AFAP1: variants seen among roughly 807,000 people sequenced by gnomAD.
The protein encoded by AFAP1 is actin filament-associated protein 1.
In AFAP1, 75 loss-of-function variants were observed where a neutral mutation model predicts 93.9. The observed-to-expected ratio is 0.80, with a 90% confidence interval of 0.66 to 0.97. The LOEUF is 0.97. Among genes scored for constraint, AFAP1 ranks in the 50% least tolerant of loss-of-function variants. The probability of loss-of-function intolerance (pLI) is 0.00; values close to 1 mark genes in which losing one functional copy is unlikely to be tolerated. For synonymous variants in AFAP1, 517 were observed against 430.7 expected (o/e 1.20, Z -2.48); for missense variants, 1,201 against 1,050.8 (o/e 1.14, Z -1.98).
intron 4 of AFAP1, among the ~76,000 whole-genome samples, chr4:7,854,153 AC>A: frequency 1.3e-5 from 2 of 152,332 alleles, no homozygotes; most frequent in South Asian, 4.1e-4. Flanking sequence ...AAATAAAGGA[AC>A]CCAATGACGT....
At chr4:7,815,972 T>G (rs199661461) in intron 8 of AFAP1, 46 bp downstream of exon 8, 1 of 592,826 alleles carries the variant, frequency 1.7e-6, no homozygotes, top group South Asian at 2.5e-5. Flanking sequence ...TTTGTTTTTG[T>G]TTTTTTTTTT....
chr4:7,780,211 C>T (rs1200039476), intron 13 of AFAP1, among the ~76,000 whole-genome samples: 2 of 152,232 alleles, frequency 1.3e-5, no homozygotes, highest in African/African-American at 4.8e-5. Context: ...TCCCCAACTA[C>T]ACTTAGCTCA....
chr4:7,896,449 A>G (rs1264008775), intron 1 of AFAP1, among the ~76,000 whole-genome samples: 2 of 151,856 alleles, frequency 1.3e-5, no homozygotes, highest in Non-Finnish European at 2.9e-5. Flanking sequence ...CTCCCTCCCC[A>G]ACCCCATGGT....
At position 7,888,079 on chromosome 4, in the gene AFAP1, G is replaced by A. The variant is rs112559457; in HGVS notation, c.-2-15999C>T. 1.4e-4 allele frequency among the ~76,000 whole-genome samples: 21 copies of A among 151,930 alleles called. No individual in the cohort carries two copies. The East Asian group carries it at 1.7e-3, about 13-fold the overall frequency. ...TGGCCTCAAGTTATCTGCCCACCTC[G>A]GCCTCACAAAGTGCTGGGATTACAG... On this transcript the variant is annotated intron_variant, in intron 1 of 17. Coordinates refer to ENST00000420658, the MANE Select transcript of AFAP1 (RefSeq NM_001134647.2).
chr4:7,774,755 A>G lies in AFAP1; in HGVS notation c.2046T>C (p.Ala682=). Residue 682 remains alanine, a synonymous_variant, in exon 15 of 18, where the codon GCT becomes GCC. Transcript: ENST00000420658. The part of the protein sequence containing the change: ...LRKERKDLRA[A]IEVNAGRKPQ... ...CCTTCATACCGGCGTTCACTTCAAT[A>G]GCCGCTCGAAGGTCTTTTCTTTCCT... 6.2e-7 allele frequency: 1 copy of G among 1,614,186 alleles called. No homozygotes were observed. Among genetic ancestry groups the G allele is most frequent in the Non-Finnish European group, 8.5e-7 (1 of 1,180,028 alleles).
At chr4:7,772,521 G>A (rs558384312) in intron 16 of AFAP1, 2 of 295,266 alleles carry the variant, frequency 6.8e-6, no homozygotes, top group Admixed American at 9.6e-5. Context: ...ATCATGACCT[G>A]GTTCAGAAGA....
At chr4:7,798,181 G>A (rs9684251) in intron 10 of AFAP1, among the ~76,000 whole-genome samples, 18,847 of 86,168 alleles carry the variant, frequency 0.22, 2,873 homozygotes, top group African/African-American at 0.35. Flanking sequence ...GCTGGCTCAC[G>A]GCACTGCAAC....
At chr4:7,792,053 A>T (rs555548988) in intron 11 of AFAP1, among the ~76,000 whole-genome samples, 1 of 152,318 alleles carries the variant, frequency 6.6e-6, no homozygotes, top group South Asian at 2.1e-4. Context: ...GCCCTCTGTC[A>T]CAAAATGCTC....
chr4:7,772,794 C>T (rs1459006114), intron 16 of AFAP1, 26 bp downstream of exon 16: 2 of 1,607,144 alleles, frequency 1.2e-6, no homozygotes, highest in Admixed American at 1.7e-5. Flanking sequence ...GCGCCAGCCT[C>T]CGAGGTGAGC....
At chr4:7,852,131 G>C (rs540577473) in intron 4 of AFAP1, among the ~76,000 whole-genome samples, 1 of 152,306 alleles carries the variant, frequency 6.6e-6, no homozygotes, top group South Asian at 2.1e-4. Flanking sequence ...TTGGGGGCAA[G>C]AGACTTCAGA....
At chr4:7,863,774 A>G (rs1716030118) in intron 3 of AFAP1, among the ~76,000 whole-genome samples, 1 of 152,218 alleles carries the variant, frequency 6.6e-6, no homozygotes, top group South Asian at 2.1e-4. Context: ...AGACAACCTT[A>G]TTTGTTAAAG....
intron 17 of AFAP1, among the ~76,000 whole-genome samples, chr4:7,765,351 C>T (rs1466674383): frequency 6.6e-6 from 1 of 152,298 alleles, no homozygotes; most frequent in South Asian, 2.1e-4. Flanking sequence ...TTCAGTGATT[C>T]CCCACCACCC....
chr4:7,772,811 GAC>G lies in AFAP1; in HGVS notation c.2253+7_2253+8del, dbSNP rs1378486013. 1 of 1,612,274 alleles carries G rather than the reference GAC, an allele frequency of 6.2e-7. No individual in the cohort carries two copies. Among genetic ancestry groups the G allele is most frequent in the Non-Finnish European group, 8.5e-7 (1 of 1,178,958 alleles). On this transcript the variant is annotated splice_region_variant and intron_variant, in intron 16 of 17. Coordinates refer to ENST00000420658, the MANE Select transcript of AFAP1 (RefSeq NM_001134647.2). The stretch of plus-strand genomic sequence containing the variant: ...GCCAGCCTCCGAGGTGAGCCAGAAG[GAC>G]ACACACCTGTGGACTCGATGTCCCT...
At chr4:7,774,647 G>A (rs1715901524) in intron 15 of AFAP1, 92 bp downstream of exon 15, 4 of 1,495,316 alleles carry the variant, frequency 2.7e-6, no homozygotes, top group Non-Finnish European at 3.6e-6. Context: ...TGACAGCCTT[G>A]GTGAGCAATA....
At chr4:7,865,713 C>T (rs1160597921) in intron 3 of AFAP1, among the ~76,000 whole-genome samples, 2 of 152,192 alleles carry the variant, frequency 1.3e-5, no homozygotes, top group Non-Finnish European at 2.9e-5. Flanking sequence ...GTCATGAGAA[C>T]TCTTCATCTG....
intron 4 of AFAP1, among the ~76,000 whole-genome samples, chr4:7,848,947 T>G (rs1714117492): frequency 6.6e-6 from 1 of 152,160 alleles, no homozygotes; most frequent in Non-Finnish European, 1.5e-5. Context: ...CCACACACAC[T>G]GCACATCAGG....
At chr4:7,821,786 G>C (rs1038238595) in intron 6 of AFAP1, among the ~76,000 whole-genome samples, 4 of 152,178 alleles carry the variant, frequency 2.6e-5, no homozygotes, top group Admixed American at 1.3e-4. Context: ...CTGGTGCTGG[G>C]ATTAAATCCA....
rs1720370589 is a variant in AFAP1, at chr4:7,815,202, A to C, written c.904+816T>G. The stretch of plus-strand genomic sequence containing the variant: ...TCCACTTCAATGAGGTCCCTAGAGG[A>C]GTCAGATTCATGAGACAGGAAGCAA... On this transcript the variant is annotated intron_variant, in intron 8 of 17. Transcript: ENST00000420658. Among the ~76,000 whole-genome samples the C allele has an allele frequency of 2.6e-5, 4 of 152,188 alleles. No homozygotes were observed. The East Asian group carries it at 7.8e-4, about 30-fold the overall frequency.
chr4:7,816,761 C>A (rs755860203), intron 7 of AFAP1, among the ~76,000 whole-genome samples: 1 of 152,194 alleles, frequency 6.6e-6, no homozygotes, highest in African/African-American at 2.4e-5. Flanking sequence ...CTCCAAACAC[C>A]GTCCTCAGAG....
Sources: allele counts gnomAD v4.1 joint callset (sites outside exome capture counted in the v4.1 genomes callset), GRCh38; gene constraint gnomAD v4.1.1; transcripts MANE v1.5; gene names NCBI Gene and HGNC (gene_info 2026-07-23, HGNC 2026-07-21).